CDH16: variants seen among roughly 807,000 people sequenced by gnomAD.
CDH16 encodes cadherin 16, also known as cadherin-16.
A neutral mutation model predicts 87.6 loss-of-function variants in CDH16; 79 were observed. The observed-to-expected ratio is 0.90, with a 90% CI of 0.75 to 1.09. The LOEUF (loss-of-function observed/expected upper bound fraction) is 1.09. CDH16 is among the 50% of genes least tolerant of loss of function. The probability of loss-of-function intolerance (pLI) is 0.00; values close to 1 mark genes in which losing one functional copy is unlikely to be tolerated. For missense variants in CDH16, 1,124 were observed against 1,071.7 expected (o/e 1.05, Z -0.68); for synonymous variants, 457 against 439.5 (o/e 1.04, Z -0.50).
chr16:66,913,452 C>A (rs965023793), intron 8 of CDH16, 39 bp downstream of exon 8: 1 of 1,613,330 alleles, frequency 6.2e-7, no homozygotes, highest in Non-Finnish European at 8.5e-7. Context: ...ACTGACCAAG[C>A]ACCCCCAGCC....
In CDH16 at chr16:66,914,224, T is replaced by C. The variant is rs771206504; in HGVS notation, c.772A>G (p.Met258Val). The change falls in exon 7 of 18, where the codon ATG becomes GTG. Residue 258 changes from methionine to valine, a missense_variant. Physicochemically the swap from Met to Val is conservative, Grantham distance 21. Transcript: ENST00000299752. ...ENLKVLYPHH[M>V]AQVHWSGGDV... Reference sequence around the variant, plus strand: ...GACAGCCACTTACTCACCTGGGCCATGTGGTGCGGGTATAGGACTTTGAGA... The same window carrying C: ...GACAGCCACTTACTCACCTGGGCCACGTGGTGCGGGTATAGGACTTTGAGA... 2 of 1,612,624 alleles carry C rather than the reference T, an allele frequency of 1.2e-6. No homozygotes were observed. Among genetic ancestry groups the C allele is most frequent in the Non-Finnish European group, 1.7e-6 (2 of 1,178,848 alleles).
chr16:66,909,303 CCGACA>C lies in CDH16; in HGVS notation c.2351_2355del (p.Leu784ArgfsTer?). 3 of 1,613,686 alleles carry C rather than the reference CCGACA, an allele frequency of 1.9e-6. No homozygotes were observed. Among genetic ancestry groups the C allele is most frequent in the Non-Finnish European group, 2.5e-6 (3 of 1,179,698 alleles). The stretch of plus-strand genomic sequence containing the variant: ...AGGGTGCCTACAAGGATGCCCACTG[CCGACA>C]GCTTCGTGGGCATGCCCTTCATGCG... On this transcript the variant is annotated frameshift_variant, in exon 17 of 18. Coordinates refer to ENST00000299752, the MANE Select transcript of CDH16 (RefSeq NM_004062.4). LOFTEE classifies it high-confidence loss of function. The surrounding 1 kb of genome is among the most constrained non-coding windows in gnomAD (Gnocchi z 4.1).
intron 14 of CDH16, 132 bp from the exon 15 acceptor site, chr16:66,910,634 C>T (rs189156555): frequency 1.0e-6 from 1 of 968,926 alleles, no homozygotes; most frequent in African/African-American, 1.7e-5. Flanking sequence ...CCATGCTTCT[C>T]TCCACCTGTC....
At chr16:66,911,037 A>G in intron 14 of CDH16, 145 bp downstream of exon 14, 2 of 704,664 alleles carry the variant, frequency 2.8e-6, no homozygotes, top group South Asian at 4.3e-5. Context: ...TCAGAGAGGA[A>G]CATTGAACCC....
intron 6 of CDH16, 105 bp downstream of exon 6, chr16:66,915,115 C>CT (rs1962619244): frequency 1.7e-6 from 2 of 1,185,366 alleles, no homozygotes; most frequent in South Asian, 3.0e-5. Context: ...CCTTCCCTCC[C>CT]TTTTTACCTC....
intron 10 of CDH16, 33 bp downstream of exon 10, chr16:66,912,631 C>T: frequency 6.2e-7 from 1 of 1,613,932 alleles, no homozygotes; most frequent in Non-Finnish European, 8.5e-7. Flanking sequence ...ACAGAGGGGA[C>T]AGGGGGCCTG....
Position 66,916,015 on chromosome 16 carries a change from CA to C in CDH16, c.424+49del, listed in dbSNP as rs1192094568. The C allele has an allele frequency of 1.2e-6, 2 of 1,610,964 alleles. No individual in the cohort carries two copies. The highest frequency in any genetic ancestry group is 2.7e-5 in the African/African-American group (2 of 74,904). ...GCCATCTCTTCGCTCTCTGCTGTTC[CA>C]TCAAGGCCCACCTGACCTTACTGTA... On this transcript the variant is annotated intron_variant, in intron 5 of 17. Coordinates refer to ENST00000299752, the MANE Select transcript of CDH16 (RefSeq NM_004062.4). The surrounding 1 kb of genome is among the most constrained non-coding windows in gnomAD (Gnocchi z 4.1).
Position 66,915,206 on chromosome 16 carries a change from C to T in CDH16, c.583+14G>A. ...TCTGACCCTCCCTCCCCAGCACACC[C>T]CGCTCGGGCTTACCCTTGGGGCTGA... On this transcript the variant is annotated intron_variant, in intron 6 of 17. Transcript: ENST00000299752. 6.3e-7 allele frequency: 1 copy of T among 1,597,110 alleles called. No individual in the cohort carries two copies.
At position 66,915,721 on chromosome 16, in the gene CDH16, C is replaced by T. The variant is rs568591494; in HGVS notation, c.425-343G>A. On this transcript the variant is annotated intron_variant, in intron 5 of 17. Coordinates refer to ENST00000299752, the MANE Select transcript of CDH16 (RefSeq NM_004062.4). The stretch of plus-strand genomic sequence containing the variant: ...CAGCCTGGCCAACAAGGCGAAACCC[C>T]GTCTCTTTTAAAAATACAAAAAAAA... Among the ~76,000 whole-genome samples the T allele has an allele frequency of 3.9e-5, 6 of 152,162 alleles. No individual in the cohort carries two copies. The East Asian group carries it at 7.7e-4, about 20-fold the overall frequency.
chr16:66,917,274 G>T (rs536149958), intron 3 of CDH16, among the ~76,000 whole-genome samples: 1 of 152,192 alleles, frequency 6.6e-6, no homozygotes, highest in South Asian at 2.1e-4. Flanking sequence ...ACTCCAGCCT[G>T]GGCGACAAGA....
rs765594447 is a variant in CDH16, at chr16:66,909,321, T to C, written c.2338A>G (p.Met780Val). The C allele has an allele frequency of 1.6e-5, 26 of 1,584,490 alleles. 1 individual carries two copies. Among genetic ancestry groups the C allele is most frequent in the East Asian group, 1.4e-4 (6 of 42,502 alleles). ...CCCACTGCCGACAGCTTCGTGGGCA[T>C]GCCCTTCATGCGGCCCACCTTGCGC... Reference protein sequence around the residue: ...CMRKVGRMKGMPTKLSAVGIL... With the variant: ...CMRKVGRMKGVPTKLSAVGIL... The change falls in exon 17 of 18, where the codon ATG (methionine) becomes GTG (valine). Residue 780 changes from methionine to valine, a missense_variant. By Grantham distance (21) the Met-to-Val change is conservative. Transcript: ENST00000299752. This position sits in a 1 kb window ranked among gnomAD's most constrained non-coding sequence, Gnocchi z 4.1.
At chr16:66,911,080 G>A in intron 14 of CDH16, 102 bp downstream of exon 14, 3 of 1,178,478 alleles carry the variant, frequency 2.5e-6, no homozygotes, top group Admixed American at 5.2e-5. Context: ...CTTGGGGCTG[G>A]GGGTTGCCAG....
intron 9 of CDH16, 29 bp from the exon 10 acceptor site, chr16:66,912,920 A>T: frequency 6.3e-7 from 1 of 1,587,104 alleles, no homozygotes. Context: ...CCTGGATAGG[A>T]CCACAGCCCA....
chr16:66,915,059 C>T (rs1454996291), intron 6 of CDH16, among the ~76,000 whole-genome samples, 161 bp downstream of exon 6: 2 of 152,188 alleles, frequency 1.3e-5, no homozygotes, highest in Non-Finnish European at 2.9e-5. Context: ...ATGCCTGGCC[C>T]TGCCTCCACA....
chr16:66,916,023 C>T lies in CDH16; in HGVS notation c.424+42G>A, dbSNP rs765949121. ...TTCGCTCTCTGCTGTTCCATCAAGG[C>T]CCACCTGACCTTACTGTAAATTGGC... is the stretch of plus-strand genomic sequence containing the variant. On this transcript the variant is annotated intron_variant, in intron 5 of 17. Transcript: ENST00000299752. This position sits in a 1 kb window ranked among gnomAD's most constrained non-coding sequence, Gnocchi z 4.1. 6.2e-7 allele frequency: 1 copy of T among 1,611,622 alleles called. No individual in the cohort carries two copies. Among genetic ancestry groups the T allele is most frequent in the Non-Finnish European group, 8.5e-7 (1 of 1,179,020 alleles).
Position 66,916,302 on chromosome 16 carries a change from C to T in CDH16, c.257G>A (p.Arg86Gln), listed in dbSNP as rs755236039. ...GFLLVTRALD[R>Q]EEQAEYQLQV... Reference sequence around the variant, plus strand: ...TAGCTGGTACTCTGCCTGCTCCTCTCGGTCCAGGGCCCTGGTCACCAGCAG... The same window carrying T: ...TAGCTGGTACTCTGCCTGCTCCTCTTGGTCCAGGGCCCTGGTCACCAGCAG... Residue 86 changes from arginine to glutamine, a missense_variant, in exon 4 of 18, where the codon CGA (arginine) becomes CAA (glutamine). Coordinates refer to ENST00000299752, the MANE Select transcript of CDH16 (RefSeq NM_004062.4). This position sits in a 1 kb window ranked among gnomAD's most constrained non-coding sequence, Gnocchi z 4.1. 2.9e-5 allele frequency: 46 copies of T among 1,613,732 alleles called. No homozygotes were observed. The highest frequency in any genetic ancestry group is 3.4e-5 in the Non-Finnish European group (40 of 1,179,760).
chr16:66,914,544 A>T, intron 6 of CDH16, 132 bp from the exon 7 acceptor site: 1 of 665,520 alleles, frequency 1.5e-6, no homozygotes, highest in Non-Finnish European at 2.6e-6. Context: ...CCAAGGGAAG[A>T]GAGGAACTTT....
chr16:66,910,595 G>A lies in CDH16; in HGVS notation c.1925-93C>T, dbSNP rs1369942140. 20 of 1,316,202 alleles carry A rather than the reference G, an allele frequency of 1.5e-5. No individual in the cohort carries two copies. In the East Asian group the frequency reaches 1.6e-4, roughly 10 times the overall value. The allele number at this position is 1,316,202 out of a possible 1,614,324, so 81.5% of individuals were successfully genotyped here. ...GCTGCTCCCGCAGCCCATGAGCCTCGCCTTATAGACTCCCCTGCCATGCTC... is the reference window on the plus strand; with the variant it reads ...GCTGCTCCCGCAGCCCATGAGCCTCACCTTATAGACTCCCCTGCCATGCTC... On this transcript the variant is annotated intron_variant, in intron 14 of 17. Transcript: ENST00000299752.
In CDH16 at chr16:66,915,286, C is replaced by T. The variant is rs1962628026; in HGVS notation, c.517G>A (p.Ala173Thr). The change falls in exon 6 of 18, where the codon GCC becomes ACC. Residue 173 changes from alanine (A) to threonine (T), a missense_variant. By Grantham distance (58) the Ala-to-Thr change is moderately conservative. Transcript: ENST00000299752. Reference protein sequence around the residue: ...LRFHILSQAPAQPSPDMFQLE... With the variant: ...LRFHILSQAPTQPSPDMFQLE... ...TGGAACATGTCTGGGGAAGGCTGGG[C>T]TGGAGCCTGGCTCAGGATGTGGAAT... 2 of 1,613,896 alleles carry T rather than the reference C, an allele frequency of 1.2e-6. No individual in the cohort carries two copies. The highest frequency in any genetic ancestry group is 1.7e-5 in the Admixed American group (1 of 59,998).
Sources: allele counts gnomAD v4.1 joint callset (sites outside exome capture counted in the v4.1 genomes callset), GRCh38; gene constraint gnomAD v4.1.1; non-coding constraint Gnocchi (gnomAD v3.1); transcripts MANE v1.5; gene names NCBI Gene and HGNC (gene_info 2026-07-23, HGNC 2026-07-21).